Variants in COPG2 observed in about 807,000 individuals in gnomAD.
COPG2 encodes the protein coatomer subunit gamma-2.
COPG2 carries 37 observed loss-of-function variants against 46.3 expected under a neutral mutation model. That is an observed-to-expected ratio of 0.80 (90% confidence interval 0.61 to 1.05). The LOEUF (loss-of-function observed/expected upper bound fraction) is 1.05. Among genes scored for constraint, COPG2 ranks in the 50% least tolerant of loss-of-function variants. The pLI is 0.00. For synonymous variants in COPG2, 159 were observed against 129.7 expected (o/e 1.23, Z -1.53); for missense variants, 427 against 387.8 (o/e 1.10, Z -0.85).
chr7:130,655,378 T>A (rs149726832), intron 4 of COPG2, among the ~76,000 whole-genome samples: 100 of 152,332 alleles, frequency 6.6e-4, no homozygotes, highest in African/African-American at 2.3e-3. Context: ...CTATACCAGA[T>A]GTCTTATGCA....
chr7:130,619,024 T>C (rs533197858), intron 5 of COPG2, among the ~76,000 whole-genome samples: 4 of 152,246 alleles, frequency 2.6e-5, no homozygotes, highest in Non-Finnish European at 4.4e-5. Flanking sequence ...CTGTATTTTA[T>C]TTTTAAACTA....
chr7:130,521,252 C>G (rs888351884), intron 20 of COPG2, among the ~76,000 whole-genome samples: 25 of 152,154 alleles, frequency 1.6e-4, no homozygotes, highest in Admixed American at 3.9e-4. Flanking sequence ...ATAAGAGAGA[C>G]AGTGTCCAGG....
rs782642728 is a variant in COPG2 at position 130,610,933 on chromosome 7, G to C, written c.737+20C>G. The C allele has an allele frequency of 5.0e-6, 8 of 1,613,178 alleles. No individual in the cohort carries two copies. The African/African-American group carries it at 9.3e-5, about 19-fold the overall frequency. Reference sequence around the variant, plus strand: ...ACTTCGCAAATGGAAAATAACCCAGGTTTAGGTGAAGACACTTACCCATCC... The same window carrying C: ...ACTTCGCAAATGGAAAATAACCCAGCTTTAGGTGAAGACACTTACCCATCC... On this transcript the variant is annotated intron_variant, in intron 9 of 23. Coordinates refer to ENST00000425248, the MANE Select transcript of COPG2 (RefSeq NM_012133.6).
At chr7:130,560,416 T>C (rs1388957444) in intron 12 of COPG2, among the ~76,000 whole-genome samples, 2 of 152,158 alleles carry the variant, frequency 1.3e-5, no homozygotes, top group East Asian at 3.8e-4. Flanking sequence ...TCTCCCCAAA[T>C]TGATTTATAG....
chr7:130,584,710 T>C (rs375515584), intron 9 of COPG2, among the ~76,000 whole-genome samples: 23 of 151,766 alleles, frequency 1.5e-4, no homozygotes, highest in African/African-American at 4.6e-4. Flanking sequence ...CCTTTTACAA[T>C]AGCTGCAAAA....
In COPG2 at chr7:130,651,322, G is replaced by GTT. The variant is rs139808899; in HGVS notation, c.323+1545_323+1546dup. Among the ~76,000 whole-genome samples the GTT allele has an allele frequency of 1.6e-4, 23 of 148,016 alleles. No homozygotes were observed. The South Asian group carries it at 2.1e-3, about 14-fold the overall frequency. ...CATTTTTTATATATATACATAAAAT[G>GTT]TTTTTTTTTTCTGAGACTGAGTCTC... is the stretch of plus-strand genomic sequence containing the variant. On this transcript the variant is annotated intron_variant, in intron 5 of 23. Transcript: ENST00000425248.
intron 20 of COPG2, among the ~76,000 whole-genome samples, chr7:130,525,716 T>C (rs922119638): frequency 6.6e-6 from 1 of 152,062 alleles, no homozygotes; most frequent in African/African-American, 2.4e-5. Flanking sequence ...GTGGGTCTCG[T>C]AGTTGTAATG....
At position 130,571,020 on chromosome 7, in the gene COPG2, C is replaced by A. The variant is rs375851527; in HGVS notation, c.738-6627G>T. On this transcript the variant is annotated intron_variant, in intron 9 of 23. Transcript: ENST00000425248. ...ATGCGTAGGAGAATGAAACTGGATC[C>A]TCATCTCTCACCTTATATAAAAATC... Among the ~76,000 whole-genome samples the A allele has an allele frequency of 9.9e-5, 15 of 152,276 alleles. No homozygotes were observed. In the East Asian group the frequency reaches 1.9e-3, roughly 20 times the overall value.
At chr7:130,660,888 C>T (rs1463037545) in intron 4 of COPG2, among the ~76,000 whole-genome samples, 3 of 152,188 alleles carry the variant, frequency 2.0e-5, no homozygotes, top group African/African-American at 2.4e-5. Context: ...CCTGTCAGCC[C>T]GTTCTTGCTT....
intron 5 of COPG2, among the ~76,000 whole-genome samples, chr7:130,623,115 C>A (rs1483604732): frequency 6.6e-6 from 1 of 152,238 alleles, no homozygotes; most frequent in Non-Finnish European, 1.5e-5. Flanking sequence ...TGGTTGCCAA[C>A]GTGTCACTCA....
chr7:130,531,871 G>A (rs1270828907), intron 20 of COPG2, among the ~76,000 whole-genome samples: 1 of 152,074 alleles, frequency 6.6e-6, no homozygotes, highest in Non-Finnish European at 1.5e-5. Flanking sequence ...GGAGGGCTGG[G>A]GGCACGGACC....
chr7:130,647,143 C>T (rs373966254), intron 5 of COPG2, among the ~76,000 whole-genome samples: 111 of 151,838 alleles, frequency 7.3e-4, no homozygotes, highest in African/African-American at 1.7e-3. Context: ...CAGGTTCAAG[C>T]GACTCTCCTG....
At chr7:130,579,901 C>CT (rs1794098617) in intron 9 of COPG2, among the ~76,000 whole-genome samples, 1 of 151,924 alleles carries the variant, frequency 6.6e-6, no homozygotes, top group African/African-American at 2.4e-5. Flanking sequence ...TAATGGGAGA[C>CT]TTTAACACCC....
At chr7:130,647,941 A>G (rs1554458519) in intron 5 of COPG2, among the ~76,000 whole-genome samples, 1 of 152,032 alleles carries the variant, frequency 6.6e-6, no homozygotes, top group Non-Finnish European at 1.5e-5. Context: ...CGTGTTAGCC[A>G]GGACGGTCTC....
intron 9 of COPG2, chr7:130,603,800 G>A (rs1554450772): frequency 1.6e-5 from 8 of 515,836 alleles, no homozygotes; most frequent in South Asian, 7.0e-5. Flanking sequence ...GTTGATCCTC[G>A]AACAACATGG....
intron 5 of COPG2, among the ~76,000 whole-genome samples, chr7:130,621,556 C>T (rs984431012): frequency 1.3e-5 from 2 of 152,166 alleles, no homozygotes; most frequent in Non-Finnish European, 2.9e-5. Flanking sequence ...CGCCTGTAAT[C>T]CCAGCATTTT....
chr7:130,631,172 C>CTTTTTTTTTTTTTTT (rs55966949), intron 5 of COPG2, among the ~76,000 whole-genome samples: 1 of 102,336 alleles, frequency 9.8e-6, no homozygotes, highest in Non-Finnish European at 2.1e-5. Context: ...TTTTTCTTTT[C>CTTTTTTTTTTTTTTT]TTTTTTTTTT....
chr7:130,614,533 C>T (rs782361956), intron 6 of COPG2, among the ~76,000 whole-genome samples: 6 of 152,196 alleles, frequency 3.9e-5, no homozygotes, highest in Non-Finnish European at 8.8e-5. Flanking sequence ...CTCAGAGTTC[C>T]CAGAAAGAGA....
At chr7:130,650,565 T>C (rs1795716343) in intron 5 of COPG2, among the ~76,000 whole-genome samples, 1 of 152,240 alleles carries the variant, frequency 6.6e-6, no homozygotes, top group Non-Finnish European at 1.5e-5. Context: ...GTTTTTTTAC[T>C]TGTGGTAGAC....
Sources: gnomAD v4.1 joint callset for allele counts (sites outside exome capture counted in the v4.1 genomes callset) on GRCh38, gnomAD v4.1.1 for gene constraint, MANE v1.5 for transcripts, NCBI Gene and HGNC (gene_info 2026-07-23, HGNC 2026-07-21) for gene names.